Variants in CBX2 observed in about 807,000 individuals in gnomAD.
CBX2 encodes the protein chromobox 2.
A neutral mutation model predicts 21.0 loss-of-function variants in CBX2; 11 were observed. The observed-to-expected ratio is 0.52, with a 90% CI of 0.33 to 0.87. CBX2 has a LOEUF of 0.87. Ranked by LOEUF, CBX2 falls within the 40% of genes least tolerant of loss-of-function variation. The pLI, the probability that CBX2 is intolerant of heterozygous loss-of-function variation, is 0.02. For missense variants in CBX2, 746 were observed against 724.3 expected, an observed-to-expected ratio of 1.03 and a Z score of -0.34; for synonymous variants, 364 against 304.6, an observed-to-expected ratio of 1.19 and a Z score of -2.03.
rs547345139 is a variant in CBX2, at chr17:79,778,496, G to A, written c.116+69G>A. On this transcript the variant is annotated intron_variant, in intron 2 of 4. Coordinates refer to ENST00000310942, the MANE Select transcript of CBX2 (RefSeq NM_005189.3). The surrounding 1 kb of genome is among the most constrained non-coding windows in gnomAD (Gnocchi z 4.8). Reference sequence around the variant, plus strand: ...CGGGGGTGGGGACGTGGAGCCCCTCGGCCGCGCCGTCCGGTGGCCTGGGGG... The same window carrying A: ...CGGGGGTGGGGACGTGGAGCCCCTCAGCCGCGCCGTCCGGTGGCCTGGGGG... The A allele has an allele frequency of 6.4e-6, 7 of 1,093,028 alleles. No homozygotes were observed. Among genetic ancestry groups the A allele is most frequent in the East Asian group, 6.5e-5 (2 of 30,810 alleles). The allele number at this position is 1,093,028 out of a possible 1,614,324, so 67.7% of individuals were successfully genotyped here.
rs868981366 is a variant in CBX2 at position 79,778,260 on chromosome 17, G to A, written c.25G>A (p.Glu9Lys). 12 of 1,520,336 alleles carry A rather than the reference G, an allele frequency of 7.9e-6. No homozygotes were observed. Among genetic ancestry groups the A allele is most frequent in the African/African-American group, 2.8e-5 (2 of 70,310 alleles). The allele number at this position is 1,520,336 out of a possible 1,614,324, so 94.2% of individuals were successfully genotyped here. The change falls in exon 1 of 5, where the codon GAG becomes AAG. Residue 9 changes from glutamate (E) to lysine (K), a missense_variant. Around this residue, in one of 2 missense-constraint regions of CBX2, gnomAD observed 45 missense variants for 73.6 expected, o/e 0.61. Coordinates refer to ENST00000310942, the MANE Select transcript of CBX2 (RefSeq NM_005189.3). This position sits in a 1 kb window ranked among gnomAD's most constrained non-coding sequence, Gnocchi z 4.8. Reference sequence around the variant, plus strand: ...CATGGAGGAGCTGAGCAGCGTGGGCGAGCAGGTCTTCGCCGCCGAGTGCAT... The same window carrying A: ...CATGGAGGAGCTGAGCAGCGTGGGCAAGCAGGTCTTCGCCGCCGAGTGCAT... MEELSSVG[E>K]QVFAAECILS...
intron 4 of CBX2, chr17:79,782,255 A>AG: frequency 1.3e-6 from 2 of 1,566,816 alleles, no homozygotes; most frequent in South Asian, 2.3e-5. Context: ...CACGAAAGGC[A>AG]GGGCTGACTG....
chr17:79,779,813 C>T (rs1193384653), intron 3 of CBX2: 5 of 307,412 alleles, frequency 1.6e-5, no homozygotes, highest in East Asian at 7.4e-5. Context: ...GCCACAGTGA[C>T]GCAGGTCTGC....
rs1410788312 is a variant in CBX2 at position 79,786,887 on chromosome 17, C to G, written c.*1845C>G. The G allele has an allele frequency of 6.5e-6, 1 of 152,706 alleles. No homozygotes were observed. Among genetic ancestry groups the G allele is most frequent in the Non-Finnish European group, 1.5e-5 (1 of 68,074 alleles). 9.5% of individuals were successfully genotyped at this position (152,706 alleles called of 1,614,324 possible). On this transcript the variant is annotated 3_prime_UTR_variant, in exon 5 of 5. Transcript: ENST00000310942. ...CAAATGGATCTTTTTAACAGTGTGC[C>G]TTTGGGGAGGGACCCATGTCCATGG...
Position 79,778,233 on chromosome 17 carries a change from A to T in CBX2, c.-3A>T. 1 of 1,428,496 alleles carries T rather than the reference A, an allele frequency of 7.0e-7. No individual in the cohort carries two copies. The highest frequency in any genetic ancestry group is 9.2e-7 in the Non-Finnish European group (1 of 1,088,162). The allele number at this position is 1,428,496 out of a possible 1,614,324, so 88.5% of individuals were successfully genotyped here. ...GCCGCGGTCGGGCTGGCTGCCGGGC[A>T]GCATGGAGGAGCTGAGCAGCGTGGG... On this transcript the variant is annotated 5_prime_UTR_variant, in exon 1 of 5. Coordinates refer to ENST00000310942, the MANE Select transcript of CBX2 (RefSeq NM_005189.3). The surrounding 1 kb of genome is among the most constrained non-coding windows in gnomAD (Gnocchi z 4.8).
At chr17:79,781,108 A>G (rs1274798987) in intron 3 of CBX2, among the ~76,000 whole-genome samples, 1 of 152,098 alleles carries the variant, frequency 6.6e-6, no homozygotes, top group Non-Finnish European at 1.5e-5. Flanking sequence ...TGCCTGCCTC[A>G]GACCTCGGCA....
In CBX2 at chr17:79,778,629, G is replaced by A. The variant is rs530703229; in HGVS notation, c.116+202G>A. Among the ~76,000 whole-genome samples, 1 of 151,668 alleles carries A rather than the reference G, an allele frequency of 6.6e-6. No individual in the cohort carries two copies. Among genetic ancestry groups the A allele is most frequent in the African/African-American group, 2.4e-5 (1 of 41,418 alleles). On this transcript the variant is annotated intron_variant, in intron 2 of 4. Transcript: ENST00000310942. This position sits in a 1 kb window ranked among gnomAD's most constrained non-coding sequence, Gnocchi z 4.8. ...GTTGCCCTTTGTTTACACGCCCGCG[G>A]GTGCAGAGCTGGGCGGCCCCCCGCG... is the stretch of plus-strand genomic sequence containing the variant.
At chr17:79,782,212 C>T (rs1907276822) in intron 4 of CBX2, 3 of 1,605,820 alleles carry the variant, frequency 1.9e-6, no homozygotes, top group South Asian at 2.2e-5. Flanking sequence ...CTACTCCGGG[C>T]CCACCTGCGG....
At chr17:79,783,586 T>C (rs1907395707) in intron 4 of CBX2, 146 bp from the exon 5 acceptor site, 1 of 717,070 alleles carries the variant, frequency 1.4e-6, no homozygotes, top group Non-Finnish European at 2.4e-6. Flanking sequence ...ATTTTTGTAT[T>C]TTTAGTAGAA....
chr17:79,782,928 A>G (rs1005316709), intron 4 of CBX2, among the ~76,000 whole-genome samples: 1 of 152,204 alleles, frequency 6.6e-6, no homozygotes, highest in African/African-American at 2.4e-5. Context: ...CCAGAAGGCG[A>G]GGAAGACAGT....
intron 3 of CBX2, among the ~76,000 whole-genome samples, chr17:79,781,115 G>T (rs548069277): frequency 6.6e-6 from 1 of 152,058 alleles, no homozygotes; most frequent in Non-Finnish European, 1.5e-5. Flanking sequence ...CTCAGACCTC[G>T]GCACCTCTGT....
At chr17:79,779,762 A>G (rs1311524283) in intron 3 of CBX2, 2 of 360,812 alleles carry the variant, frequency 5.5e-6, no homozygotes, top group African/African-American at 4.2e-5. Context: ...CTGCTGAGTA[A>G]TTTGCACATG....
chr17:79,778,344 G>T lies in CBX2; in HGVS notation c.72+37G>T, dbSNP rs150471517. 3 of 1,574,050 alleles carry T rather than the reference G, an allele frequency of 1.9e-6. No individual in the cohort carries two copies. The highest frequency in any genetic ancestry group is 8.6e-7 in the Non-Finnish European group (1 of 1,164,922). On this transcript the variant is annotated intron_variant, in intron 1 of 4. Coordinates refer to ENST00000310942, the MANE Select transcript of CBX2 (RefSeq NM_005189.3). The surrounding 1 kb of genome is among the most constrained non-coding windows in gnomAD (Gnocchi z 4.8). ...CCGCCGGGCCCCCCGCCCGCCGCCCGCTGTCCGTCTGGCTCACGGCCCCTC... is the reference window on the plus strand; with the variant it reads ...CCGCCGGGCCCCCCGCCCGCCGCCCTCTGTCCGTCTGGCTCACGGCCCCTC...
intron 4 of CBX2, chr17:79,782,540 G>C: frequency 9.3e-7 from 1 of 1,080,330 alleles, no homozygotes; most frequent in Non-Finnish European, 1.1e-6. Context: ...CTGGACCTTC[G>C]CGTGTTGTGG....
At chr17:79,778,065 CGCGCGGGGGCGGGCGGCGGGCCGGG>C (rs1337518527), upstream of CBX2, 2 of 150,056 alleles carry the variant, frequency 1.3e-5, no homozygotes, top group Non-Finnish European at 2.8e-5. This position sits in a 1 kb window ranked among gnomAD's most constrained non-coding sequence, Gnocchi z 4.8. Flanking sequence ...ATTTGGGCAG[CGCGCGGGGGCGGGCGGCGGGCCGGG>C]GCGCGGGCGC....
Position 79,787,236 on chromosome 17 carries a change from C to T in CBX2, c.*2194C>T, listed in dbSNP as rs1907699705. 6.6e-6 allele frequency: 1 copy of T among 152,550 alleles called. No homozygotes were observed. The highest frequency in any genetic ancestry group is 1.5e-5 in the Non-Finnish European group (1 of 68,080). 9.4% of individuals were successfully genotyped at this position (152,550 alleles called of 1,614,324 possible). A position where few individuals can be genotyped will look rare whatever the true frequency, so the allele number is the denominator to read the frequency against. ...CTGCTCCAAAGCCAGACTAACAGCT[C>T]TCCAAGCCCTTGGGGTGACTCGGCT... On this transcript the variant is annotated 3_prime_UTR_variant, in exon 5 of 5. Transcript: ENST00000310942.
rs184579132 is a variant in CBX2, at chr17:79,785,407, C to T, written c.*365C>T. 9.3e-4 allele frequency: 298 copies of T among 321,924 alleles called. No homozygotes were observed. The highest frequency in any genetic ancestry group is 1.4e-3 in the Non-Finnish European group (229 of 167,208). The allele number at this position is 321,924 out of a possible 1,614,324, so 19.9% of individuals were successfully genotyped here. Reference sequence around the variant, plus strand: ...GTTTGAACTGCTCCTCCCTGGCCTGCGTGACTGAATCACAGCTTTGGTCCC... The same window carrying T: ...GTTTGAACTGCTCCTCCCTGGCCTGTGTGACTGAATCACAGCTTTGGTCCC... On this transcript the variant is annotated 3_prime_UTR_variant, in exon 5 of 5. Coordinates refer to ENST00000310942, the MANE Select transcript of CBX2 (RefSeq NM_005189.3).
chr17:79,784,766 G>T lies in CBX2; in HGVS notation c.1323G>T (p.Glu441Asp). 1 of 1,610,724 alleles carries T rather than the reference G, an allele frequency of 6.2e-7. No homozygotes were observed. The highest frequency in any genetic ancestry group is 8.5e-7 in the Non-Finnish European group (1 of 1,178,990). Reference protein sequence around the residue: ...VKGSATPSGQESRTAPGEARK... With the variant: ...VKGSATPSGQDSRTAPGEARK... ...GCAGTGCTACCCCCAGTGGGCAGGA[G>T]AGCCGCACAGCCCCCGGAGAAGCCC... is the stretch of plus-strand genomic sequence containing the variant. Residue 441 changes from glutamate (E) to aspartate (D), a missense_variant, in exon 5 of 5, where the codon GAG becomes GAT. Transcript: ENST00000310942. This position sits in a 1 kb window ranked among gnomAD's most constrained non-coding sequence, Gnocchi z 5.9.
In CBX2 at chr17:79,779,435, C is replaced by T. The variant is rs782154021; in HGVS notation, c.182+8C>T. On this transcript the variant is annotated splice_region_variant and intron_variant, in intron 3 of 4. Coordinates refer to ENST00000310942, the MANE Select transcript of CBX2 (RefSeq NM_005189.3). ...CCTGGCCTTCCAGAAGAAGTGAGGA[C>T]GCTGACAGCACTGGGGAGGGTGTGG... 3 of 1,605,722 alleles carry T rather than the reference C, an allele frequency of 1.9e-6. No individual in the cohort carries two copies. Among genetic ancestry groups the T allele is most frequent in the Admixed American group, 1.7e-5 (1 of 59,580 alleles).
Sources: gnomAD v4.1 joint callset for allele counts (sites outside exome capture counted in the v4.1 genomes callset) on GRCh38, gnomAD v4.1.1 for gene constraint, gnomAD v4.1.1 regional missense constraint, Gnocchi (gnomAD v3.1) non-coding constraint, MANE v1.5 for transcripts, NCBI Gene and HGNC (gene_info 2026-07-23, HGNC 2026-07-21) for gene names.